The following ADAM9 variants were observed in gnomAD, a reference collection of about 807,000 sequenced individuals.
The protein encoded by ADAM9 is ADAM metallopeptidase domain 9.
ADAM9 carries 54 observed loss-of-function variants against 108.1 expected under a neutral mutation model. The observed-to-expected ratio is 0.50, with a 90% CI of 0.40 to 0.63. ADAM9 has a LOEUF of 0.63. Among genes scored for constraint, ADAM9 ranks in the 20% least tolerant of loss-of-function variants. The pLI is 0.00. For synonymous variants in ADAM9, 316 were observed against 336.0 expected, an observed-to-expected ratio of 0.94 and a Z score of 0.65; for missense variants, 830 against 997.7, an observed-to-expected ratio of 0.83 and a Z score of 2.26.
At chr8:39,041,762 A>G (rs1291045588) in intron 11 of ADAM9, among the ~76,000 whole-genome samples, 184 bp from the exon 12 acceptor site, 1 of 152,206 alleles carries the variant, frequency 6.6e-6, no homozygotes, top group East Asian at 1.9e-4. Flanking sequence ...GAATTATTAT[A>G]TAGTAGCTGA....
At chr8:39,087,030 C>T (rs1342695105) in intron 18 of ADAM9, among the ~76,000 whole-genome samples, 1 of 152,182 alleles carries the variant, frequency 6.6e-6, no homozygotes, top group Non-Finnish European at 1.5e-5. Context: ...ATGCATATAT[C>T]CATCAGCACC....
intron 21 of ADAM9, among the ~76,000 whole-genome samples, chr8:39,102,798 T>C (rs1283366361): frequency 6.6e-6 from 1 of 152,160 alleles, no homozygotes; most frequent in East Asian, 1.9e-4. Context: ...ATTCTAGAAC[T>C]GAAAAACACA....
At chr8:39,044,950 GTGTA>G (rs1837581298) in intron 12 of ADAM9, among the ~76,000 whole-genome samples, 1 of 149,994 alleles carries the variant, frequency 6.7e-6, no homozygotes, top group African/African-American at 2.5e-5. Flanking sequence ...ACCTATGTAT[GTGTA>G]TATGTGTGTG....
intron 20 of ADAM9, among the ~76,000 whole-genome samples, chr8:39,096,327 TA>T (rs1839504556): frequency 2.6e-5 from 4 of 151,768 alleles, no homozygotes; most frequent in Non-Finnish European, 4.4e-5. Flanking sequence ...CCTTTGTGCA[TA>T]TTCTATAGCA....
At position 38,997,056 on chromosome 8, in the gene ADAM9, C is replaced by A; in HGVS notation, c.-8C>A. 1.2e-6 allele frequency: 2 copies of A among 1,606,540 alleles called. No homozygotes were observed. The highest frequency in any genetic ancestry group is 1.7e-6 in the Non-Finnish European group (2 of 1,179,436). ...GAGTGCTGAGAGGAACCTGCGGAAT[C>A]GGCCGAGATGGGGTCTGGCGCGCGC... On this transcript the variant is annotated 5_prime_UTR_variant, in exon 1 of 22. Transcript: ENST00000487273.
chr8:39,035,407 A>G (rs1291667570), intron 11 of ADAM9, among the ~76,000 whole-genome samples: 3 of 152,118 alleles, frequency 2.0e-5, no homozygotes, highest in Non-Finnish European at 4.4e-5. Context: ...TAATCCTAGA[A>G]CTAGTATTAG....
At chr8:39,071,819 A>G (rs1838706192) in intron 15 of ADAM9, among the ~76,000 whole-genome samples, 1 of 152,056 alleles carries the variant, frequency 6.6e-6, no homozygotes, top group Non-Finnish European at 1.5e-5. Flanking sequence ...CTCCCCCTTA[A>G]ATACCTAACT....
chr8:39,071,117 C>T (rs1028424595), intron 14 of ADAM9, among the ~76,000 whole-genome samples, 181 bp from the exon 15 acceptor site: 1 of 152,042 alleles, frequency 6.6e-6, no homozygotes, highest in Non-Finnish European at 1.5e-5. Flanking sequence ...TACATTTTGT[C>T]ATTACATATG....
At chr8:39,014,739 T>G (rs747471918) in intron 4 of ADAM9, 36 of 532,268 alleles carry the variant, frequency 6.8e-5, no homozygotes, top group Non-Finnish European at 9.9e-5. Context: ...ATTTTTCTTC[T>G]GAACTTTGTA....
At chr8:39,077,182 G>A (rs961105925) in intron 15 of ADAM9, 46 bp from the exon 16 acceptor site, 3 of 1,601,886 alleles carry the variant, frequency 1.9e-6, no homozygotes, top group Non-Finnish European at 1.7e-6. Context: ...CTTTTGTTAT[G>A]TATACTGGAT....
At chr8:39,023,809 C>T (rs1433765875) in intron 9 of ADAM9, among the ~76,000 whole-genome samples, 1 of 142,260 alleles carries the variant, frequency 7.0e-6, no homozygotes, top group Non-Finnish European at 1.5e-5. Flanking sequence ...TGCAGTGGCA[C>T]GATCTTGGCT....
intron 12 of ADAM9, among the ~76,000 whole-genome samples, chr8:39,044,854 A>G (rs552516793): frequency 2.7e-5 from 4 of 150,258 alleles, no homozygotes; most frequent in East Asian, 2.0e-4. Context: ...GGGTGTGTGT[A>G]TGTGTGTGTG....
rs1228822559 is a variant in ADAM9, at chr8:39,045,489, CGTGTGTATACATAT to C, written c.1302+3379_1302+3392del. On this transcript the variant is annotated intron_variant, in intron 12 of 21. Transcript: ENST00000487273. ...GTGTGTGTACACACACCTATATGTG[CGTGTGTATACATAT>C]GTGTGTGTACATACATATATATGTG... is the stretch of plus-strand genomic sequence containing the variant. Among the ~76,000 whole-genome samples, 750 of 139,910 alleles carry C rather than the reference CGTGTGTATACATAT, an allele frequency of 5.4e-3. 3 individuals carry two copies. Among genetic ancestry groups the C allele is most frequent in the Admixed American group, 6.9e-3 (100 of 14,456 alleles). 91.8% of individuals were successfully genotyped at this position (139,910 alleles called of 152,430 possible).
At chr8:39,072,208 A>G (rs1233889340) in intron 15 of ADAM9, among the ~76,000 whole-genome samples, 2 of 152,236 alleles carry the variant, frequency 1.3e-5, no homozygotes, top group Non-Finnish European at 2.9e-5. Flanking sequence ...ATCTCAATCC[A>G]TATATGTTCA....
intron 12 of ADAM9, among the ~76,000 whole-genome samples, chr8:39,044,474 G>A (rs1323130609): frequency 1.3e-5 from 2 of 151,938 alleles, no homozygotes; most frequent in African/African-American, 4.8e-5. Flanking sequence ...TAGATTCAGG[G>A]GGTACATATG....
At position 39,026,757 on chromosome 8, in the gene ADAM9, T is replaced by C. The variant is rs188406472; in HGVS notation, c.1077T>C (p.Asp359=). Residue 359 remains aspartate, a synonymous_variant, in exon 11 of 22, where the codon GAT becomes GAC. Transcript: ENST00000487273. ...ATAATCTTGGAATGAATCACGATGA[T>C]GGGAGAGATTGTTCCTGTGGAGCAA... ...LGHNLGMNHD[D]GRDCSCGAKS... is the part of the protein sequence containing the mutation. The C allele has an allele frequency of 6.2e-5, 100 of 1,614,168 alleles. No homozygotes were observed. The highest frequency in any genetic ancestry group is 8.3e-5 in the Non-Finnish European group (98 of 1,180,018).
At chr8:39,009,151 A>G (rs934098150) in intron 2 of ADAM9, among the ~76,000 whole-genome samples, 1 of 152,206 alleles carries the variant, frequency 6.6e-6, no homozygotes, top group African/African-American at 2.4e-5. Flanking sequence ...AACTCCATTT[A>G]CATCTCTCCA....
intron 15 of ADAM9, among the ~76,000 whole-genome samples, chr8:39,073,089 A>G (rs1042976600): frequency 2.0e-5 from 3 of 152,222 alleles, no homozygotes; most frequent in Non-Finnish European, 4.4e-5. Context: ...ATACCAGACC[A>G]ATATATGGTC....
At chr8:39,098,858 A>G (rs1476926364) in intron 20 of ADAM9, among the ~76,000 whole-genome samples, 1 of 152,090 alleles carries the variant, frequency 6.6e-6, no homozygotes, top group Non-Finnish European at 1.5e-5. Flanking sequence ...ATATATTTGA[A>G]TCCTGAATTA....
Sources: gnomAD v4.1 joint callset for allele counts (sites outside exome capture counted in the v4.1 genomes callset) on GRCh38, gnomAD v4.1.1 for gene constraint, MANE v1.5 for transcripts, NCBI Gene and HGNC (gene_info 2026-07-23, HGNC 2026-07-21) for gene names.